DLG2: variants seen among roughly 807,000 people sequenced by gnomAD.
DLG2 encodes disks large homolog 2.
Under a neutral mutation model 132.5 loss-of-function variants are expected in DLG2, and 45 were observed. The ratio of observed to expected loss-of-function variants is 0.34; its 90% CI spans 0.27 to 0.44. The LOEUF (loss-of-function observed/expected upper bound fraction) is 0.44. Ranked by LOEUF, DLG2 falls within the 20% of genes least tolerant of loss-of-function variation. The pLI, the probability that DLG2 is intolerant of heterozygous loss-of-function variation, is 1.00. For missense variants in DLG2, 1,045 were observed against 1,196.9 expected, an observed-to-expected ratio of 0.87 and a Z score of 1.87; for synonymous variants, 424 against 419.6, an observed-to-expected ratio of 1.01 and a Z score of -0.13.
At chr11:85,498,270 G>T (rs571022278) in intron 3 of DLG2, among the ~76,000 whole-genome samples, 1 of 152,252 alleles carries the variant, frequency 6.6e-6, no homozygotes, top group East Asian at 1.9e-4. Flanking sequence ...AAAAAGCAGG[G>T]ATTGAAATCC....
chr11:84,117,986 G>C (rs1410322802), intron 9 of DLG2, among the ~76,000 whole-genome samples: 2 of 152,014 alleles, frequency 1.3e-5, no homozygotes, highest in South Asian at 4.2e-4. Flanking sequence ...TTCCGGAGTA[G>C]CTGAGACTAC....
chr11:85,275,980 T>C (rs911968939), intron 4 of DLG2, among the ~76,000 whole-genome samples: 2 of 152,214 alleles, frequency 1.3e-5, no homozygotes, highest in Admixed American at 6.5e-5. Context: ...ACAAGCCATT[T>C]TGAAGTCTCC....
chr11:83,701,260 G>A (rs755305020), intron 18 of DLG2, among the ~76,000 whole-genome samples: 2 of 152,070 alleles, frequency 1.3e-5, no homozygotes, highest in Non-Finnish European at 2.9e-5. Context: ...ACTCAACTTT[G>A]CTGAACTTCA....
intron 5 of DLG2, among the ~76,000 whole-genome samples, chr11:85,114,052 G>T (rs1175170217): frequency 6.6e-6 from 1 of 151,890 alleles, no homozygotes; most frequent in Non-Finnish European, 1.5e-5. Context: ...CTCATGTTTT[G>T]TCTACCACTT....
chr11:85,307,761 C>T (rs891701937), intron 3 of DLG2, among the ~76,000 whole-genome samples: 4 of 152,188 alleles, frequency 2.6e-5, no homozygotes, highest in African/African-American at 9.7e-5. Flanking sequence ...AGTCTGGTCT[C>T]TCTATTTAGG....
intron 6 of DLG2, among the ~76,000 whole-genome samples, chr11:85,057,265 G>T (rs925147893): frequency 5.3e-5 from 8 of 151,582 alleles, no homozygotes; most frequent in African/African-American, 1.9e-4. Flanking sequence ...GAATTGCTTA[G>T]CTATTAGAAA....
intron 5 of DLG2, among the ~76,000 whole-genome samples, chr11:85,113,135 A>T (rs955279635): frequency 1.3e-5 from 2 of 152,050 alleles, no homozygotes; most frequent in Admixed American, 6.6e-5. Context: ...GCAAAATATG[A>T]TATGCAGCAG....
intron 2 of DLG2, among the ~76,000 whole-genome samples, chr11:85,602,232 T>C (rs963680719): frequency 1.3e-5 from 2 of 152,184 alleles, no homozygotes; most frequent in Non-Finnish European, 2.9e-5. Context: ...GTAAATCCTG[T>C]GGGCTCCAAC....
intron 6 of DLG2, among the ~76,000 whole-genome samples, chr11:85,106,298 A>G (rs769306040): frequency 1.6e-4 from 25 of 152,014 alleles, no homozygotes; most frequent in Admixed American, 3.9e-4. Context: ...CTGTATACAA[A>G]CAGAAATGAA....
At chr11:83,936,950 A>T (rs1055528966) in intron 14 of DLG2, among the ~76,000 whole-genome samples, 9 of 152,216 alleles carry the variant, frequency 5.9e-5, no homozygotes, top group African/African-American at 2.2e-4. Context: ...TATTATGGCC[A>T]GATCAAGGCC....
At chr11:83,643,938 A>T (rs1264872444) in intron 18 of DLG2, among the ~76,000 whole-genome samples, 3 of 151,688 alleles carry the variant, frequency 2.0e-5, no homozygotes, top group African/African-American at 7.3e-5. Context: ...GCTGTCTCAG[A>T]CTTGTTTGGT....
At chr11:85,510,479 A>G (rs924654067) in intron 3 of DLG2, among the ~76,000 whole-genome samples, 4 of 152,252 alleles carry the variant, frequency 2.6e-5, no homozygotes, top group African/African-American at 9.6e-5. Context: ...CATCTGACAA[A>G]GGGCTAATAT....
At chr11:84,307,520 C>T (rs972681761) in intron 7 of DLG2, among the ~76,000 whole-genome samples, 1 of 152,010 alleles carries the variant, frequency 6.6e-6, no homozygotes, top group African/African-American at 2.4e-5. Context: ...CACGGTGAAA[C>T]CCTGTCTCTA....
At chr11:84,182,510 C>T (rs1250071545) in intron 8 of DLG2, among the ~76,000 whole-genome samples, 2 of 148,618 alleles carry the variant, frequency 1.3e-5, no homozygotes, top group Non-Finnish European at 3.0e-5. Flanking sequence ...GCCTGGGCAA[C>T]AAAGTGAGAC....
intron 7 of DLG2, among the ~76,000 whole-genome samples, chr11:84,498,568 T>C (rs1283620780): frequency 6.6e-6 from 1 of 151,822 alleles, no homozygotes; most frequent in Non-Finnish European, 1.5e-5. Context: ...AACCAAAAAA[T>C]AAAAACAAAA....
chr11:84,363,235 T>A (rs1200995418), intron 7 of DLG2, among the ~76,000 whole-genome samples: 1 of 152,092 alleles, frequency 6.6e-6, no homozygotes, highest in African/African-American at 2.4e-5. Context: ...CATTGTGGTT[T>A]TGATTTGCAT....
chr11:84,968,317 GGA>G (rs373299071), intron 6 of DLG2, among the ~76,000 whole-genome samples: 4 of 152,218 alleles, frequency 2.6e-5, no homozygotes, highest in African/African-American at 9.6e-5. Flanking sequence ...TGAAGAGAAT[GGA>G]GGAGAATATA....
intron 9 of DLG2, among the ~76,000 whole-genome samples, chr11:84,140,961 G>A (rs1595999788): frequency 6.6e-6 from 1 of 152,268 alleles, no homozygotes; most frequent in South Asian, 2.1e-4. Flanking sequence ...CGGGACAAAT[G>A]TGTTAACTTC....
intron 3 of DLG2, among the ~76,000 whole-genome samples, chr11:85,380,217 T>C (rs1475276729): frequency 6.6e-6 from 1 of 152,238 alleles, no homozygotes; most frequent in Non-Finnish European, 1.5e-5. Context: ...TATATAGTGT[T>C]TATTCCAGTG....
Sources: gnomAD v4.1 joint callset for allele counts (sites outside exome capture counted in the v4.1 genomes callset) on GRCh38, gnomAD v4.1.1 for gene constraint, MANE v1.5 for transcripts, NCBI Gene and HGNC (gene_info 2026-07-23, HGNC 2026-07-21) for gene names.